Variants in BMPR1A observed in about 807,000 individuals in gnomAD.
BMPR1A encodes bone morphogenetic protein receptor type-1A.
A neutral mutation model predicts 66.0 loss-of-function variants in BMPR1A; 7 were observed. The observed-to-expected ratio is 0.11, with a 90% CI of 0.06 to 0.20. BMPR1A has a LOEUF of 0.20. BMPR1A is among the 10% of genes least tolerant of loss of function. The probability of loss-of-function intolerance (pLI) is 1.00; values close to 1 mark genes in which losing one functional copy is unlikely to be tolerated. For missense variants in BMPR1A, 408 were observed against 669.1 expected, an observed-to-expected ratio of 0.61 and a Z score of 4.31; for synonymous variants, 200 against 229.7, an observed-to-expected ratio of 0.87 and a Z score of 1.17.
At chr10:86,855,389 G>T in intron 2 of BMPR1A, 1 of 812,444 alleles carries the variant, frequency 1.2e-6, no homozygotes, top group Non-Finnish European at 2.0e-6. Flanking sequence ...TTAGAAACTT[G>T]GTTTGATTTG....
intron 5 of BMPR1A, among the ~76,000 whole-genome samples, chr10:86,897,840 A>G (rs1375024319): frequency 6.6e-6 from 1 of 152,116 alleles, no homozygotes; most frequent in Non-Finnish European, 1.5e-5. Flanking sequence ...TCCTCCGCTC[A>G]AGCCATTCTG....
At chr10:86,912,484 G>A in intron 8 of BMPR1A, 100 bp downstream of exon 8, 2 of 1,441,824 alleles carry the variant, frequency 1.4e-6, no homozygotes, top group Non-Finnish European at 1.9e-6. Flanking sequence ...GAACAATAAT[G>A]GACACATTTT....
chr10:86,929,390 C>T (rs1306454501), downstream of BMPR1A: 1 of 152,190 alleles, frequency 6.6e-6, no homozygotes. Context: ...CTTTCCTCCT[C>T]CTGTGCAATA....
chr10:86,868,395 G>A (rs1243436977), intron 2 of BMPR1A, among the ~76,000 whole-genome samples: 1 of 152,232 alleles, frequency 6.6e-6, no homozygotes, highest in African/African-American at 2.4e-5. Context: ...AGGATTGATG[G>A]GGAGGAGTGT....
chr10:86,848,923 C>T (rs892540333), intron 2 of BMPR1A, among the ~76,000 whole-genome samples: 5 of 152,162 alleles, frequency 3.3e-5, no homozygotes, highest in Non-Finnish European at 7.3e-5. Flanking sequence ...TTCCACTTCC[C>T]TATTCTCATT....
intron 1 of BMPR1A, among the ~76,000 whole-genome samples, chr10:86,798,293 A>G (rs1379160904): frequency 1.3e-5 from 2 of 152,202 alleles, no homozygotes; most frequent in African/African-American, 4.8e-5. Flanking sequence ...CAATTTCCAT[A>G]CTTAAAAAAC....
At chr10:86,851,946 G>C (rs563424922) in intron 2 of BMPR1A, among the ~76,000 whole-genome samples, 1 of 152,220 alleles carries the variant, frequency 6.6e-6, no homozygotes, top group South Asian at 2.1e-4. Flanking sequence ...AAGTTAGTCC[G>C]AGCTAGGCAT....
At chr10:86,859,763 T>C (rs1468295423) in intron 2 of BMPR1A, among the ~76,000 whole-genome samples, 3 of 152,016 alleles carry the variant, frequency 2.0e-5, no homozygotes, top group African/African-American at 7.2e-5. Flanking sequence ...TGAGCCAAGA[T>C]TGCGCCACTG....
intron 1 of BMPR1A, among the ~76,000 whole-genome samples, chr10:86,761,364 A>T (rs768201484): frequency 1.5e-4 from 23 of 152,214 alleles, no homozygotes; most frequent in Non-Finnish European, 3.1e-4. Flanking sequence ...AGTCTGGAAC[A>T]GTGGAGCTTG....
At chr10:86,914,126 A>C (rs1484847980) in intron 8 of BMPR1A, among the ~76,000 whole-genome samples, 2 of 152,074 alleles carry the variant, frequency 1.3e-5, no homozygotes, top group Non-Finnish European at 2.9e-5. Context: ...TTAAAAAAAA[A>C]AAAACAAAAA....
At chr10:86,921,312 G>C (rs1368798713) in intron 10 of BMPR1A, among the ~76,000 whole-genome samples, 2 of 152,112 alleles carry the variant, frequency 1.3e-5, no homozygotes, top group African/African-American at 4.8e-5. Flanking sequence ...ACTGAGTACT[G>C]AGTTGGATTA....
intron 2 of BMPR1A, among the ~76,000 whole-genome samples, chr10:86,860,795 G>C (rs1842702993): frequency 6.7e-6 from 1 of 149,792 alleles, no homozygotes. Context: ...GATGCTAAAA[G>C]GAAAGCAGGG....
chr10:86,902,753 G>A (rs559507690), intron 7 of BMPR1A, among the ~76,000 whole-genome samples: 19 of 152,282 alleles, frequency 1.2e-4, no homozygotes, highest in Non-Finnish European at 2.5e-4. Flanking sequence ...ACAGAGTTTC[G>A]GGTTGGGCAT....
intron 1 of BMPR1A, among the ~76,000 whole-genome samples, chr10:86,806,158 G>A (rs1301188984): frequency 6.6e-6 from 1 of 152,092 alleles, no homozygotes; most frequent in Non-Finnish European, 1.5e-5. Flanking sequence ...CATAAATGAC[G>A]ACGTGTCCTT....
At chr10:86,831,889 G>A (rs75733267) in intron 1 of BMPR1A, among the ~76,000 whole-genome samples, 1,876 of 152,206 alleles carry the variant, frequency 0.012, 35 homozygotes, top group African/African-American at 0.041. Flanking sequence ...GAAGTGTATT[G>A]ATTACCTCCT....
chr10:86,816,497 C>T (rs1024515133), intron 1 of BMPR1A, among the ~76,000 whole-genome samples: 3 of 152,144 alleles, frequency 2.0e-5, no homozygotes, highest in Non-Finnish European at 4.4e-5. Context: ...ATCAGTGAAA[C>T]TCCAGATTTG....
At chr10:86,834,370 C>T (rs575924979) in intron 1 of BMPR1A, among the ~76,000 whole-genome samples, 8 of 152,178 alleles carry the variant, frequency 5.3e-5, no homozygotes, top group Non-Finnish European at 1.0e-4. Flanking sequence ...TACTTCACAA[C>T]AGCAAATACT....
chr10:86,893,656 C>T (rs910639904), intron 5 of BMPR1A, among the ~76,000 whole-genome samples: 3 of 151,944 alleles, frequency 2.0e-5, no homozygotes, highest in Non-Finnish European at 2.9e-5. Flanking sequence ...GACGTGGTGG[C>T]GGGTGCCTGT....
downstream of BMPR1A, chr10:86,931,298 C>CACACACAT: frequency 3.3e-5 from 3 of 90,926 alleles, no homozygotes; most frequent in Non-Finnish European, 5.6e-5. Flanking sequence ...CACACACACA[C>CACACACAT]ATATATATAT....
Sources: gnomAD v4.1 joint callset for allele counts (sites outside exome capture counted in the v4.1 genomes callset) on GRCh38, gnomAD v4.1.1 for gene constraint, MANE v1.5 for transcripts, NCBI Gene and HGNC (gene_info 2026-07-23, HGNC 2026-07-21) for gene names.